Variants in DOK6 observed in about 807,000 individuals in gnomAD.
DOK6 encodes the protein docking protein 6.
DOK6 carries 22 observed loss-of-function variants against 44.0 expected under a neutral mutation model. The observed-to-expected ratio is 0.50, with a 90% CI of 0.36 to 0.71. The LOEUF is 0.71. Among genes scored for constraint, DOK6 ranks in the 30% least tolerant of loss-of-function variants. DOK6 has a pLI of 0.00. For missense variants in DOK6, 340 were observed against 416.4 expected (o/e 0.82, Z 1.60); for synonymous variants, 166 against 145.5 (o/e 1.14, Z -1.01).
chr18:69,634,812 T>G (rs1320354063), intron 3 of DOK6, among the ~76,000 whole-genome samples: 1 of 152,148 alleles, frequency 6.6e-6, no homozygotes, highest in Non-Finnish European at 1.5e-5. Context: ...GGGTAAGAGT[T>G]TTTTTATTAG....
chr18:69,823,625 TTGTGTG>T (rs72248499), intron 7 of DOK6, among the ~76,000 whole-genome samples: 2,905 of 146,822 alleles, frequency 0.02, 68 homozygotes, highest in East Asian at 0.057. Flanking sequence ...GTGTGTGTGT[TTGTGTG>T]TGTGTGTGTG....
intron 1 of DOK6, among the ~76,000 whole-genome samples, chr18:69,488,898 T>C (rs1980659370): frequency 6.6e-6 from 1 of 152,296 alleles, no homozygotes; most frequent in African/African-American, 2.4e-5. Flanking sequence ...CCTGTACTAC[T>C]ACAGCCAGAA....
intron 7 of DOK6, among the ~76,000 whole-genome samples, chr18:69,768,633 G>A (rs1222119725): frequency 1.3e-5 from 2 of 148,694 alleles, no homozygotes; most frequent in Non-Finnish European, 3.0e-5. Flanking sequence ...GCAGAATACG[G>A]CAGAGACTTG....
intron 4 of DOK6, among the ~76,000 whole-genome samples, chr18:69,696,301 C>T (rs1477866977): frequency 6.6e-6 from 1 of 152,090 alleles, no homozygotes; most frequent in Non-Finnish European, 1.5e-5. Context: ...GTTTCATGTA[C>T]CATCCACTGG....
At chr18:69,467,591 T>C (rs1427758525) in intron 1 of DOK6, among the ~76,000 whole-genome samples, 1 of 152,202 alleles carries the variant, frequency 6.6e-6, no homozygotes, top group Non-Finnish European at 1.5e-5. Context: ...ATTTGGCTCA[T>C]AATGTTGCAA....
At chr18:69,645,942 A>T (rs1985061665) in intron 3 of DOK6, among the ~76,000 whole-genome samples, 1 of 152,066 alleles carries the variant, frequency 6.6e-6, no homozygotes, top group African/African-American at 2.4e-5. Context: ...CTTATTTTGT[A>T]TTTTGTGATC....
chr18:69,434,995 G>GGAAA (rs1978921610), intron 1 of DOK6, among the ~76,000 whole-genome samples: 1 of 126,932 alleles, frequency 7.9e-6, no homozygotes, highest in Admixed American at 8.5e-5. Flanking sequence ...AAGGAAGGAA[G>GGAAA]GAAGGAAGAA....
chr18:69,740,696 AG>A (rs1978770771), intron 6 of DOK6, among the ~76,000 whole-genome samples: 1 of 152,226 alleles, frequency 6.6e-6, no homozygotes. Context: ...ATCTGTAACA[AG>A]GGCATGTAAT....
intron 7 of DOK6, among the ~76,000 whole-genome samples, chr18:69,773,335 A>G (rs535190043): frequency 1.2e-4 from 19 of 152,102 alleles, no homozygotes; most frequent in African/African-American, 4.3e-4. Flanking sequence ...AGCTCCACCT[A>G]CGGGTATTTA....
intron 3 of DOK6, among the ~76,000 whole-genome samples, chr18:69,607,693 A>G (rs1021372516): frequency 1.3e-5 from 2 of 152,170 alleles, no homozygotes; most frequent in African/African-American, 4.8e-5. Context: ...TTAAAGTCTA[A>G]AAAATTTTCA....
chr18:69,799,928 T>C (rs996511605), intron 7 of DOK6, among the ~76,000 whole-genome samples: 3 of 152,110 alleles, frequency 2.0e-5, no homozygotes, highest in African/African-American at 4.8e-5. Flanking sequence ...GCAAATAAAA[T>C]TAATTATAAT....
chr18:69,657,971 G>T (rs1195247553), intron 3 of DOK6, among the ~76,000 whole-genome samples: 1 of 151,830 alleles, frequency 6.6e-6, no homozygotes, highest in East Asian at 1.9e-4. Context: ...GTTTGCTTTT[G>T]AGAGGGGTCT....
intron 3 of DOK6, among the ~76,000 whole-genome samples, chr18:69,668,030 C>T (rs530481719): frequency 2.8e-4 from 42 of 152,286 alleles, no homozygotes; most frequent in African/African-American, 9.6e-4. Context: ...TTCTCATAGT[C>T]TTCATCATCT....
intron 1 of DOK6, among the ~76,000 whole-genome samples, chr18:69,526,466 C>T (rs1371728527): frequency 1.3e-5 from 2 of 152,022 alleles, no homozygotes; most frequent in African/African-American, 4.8e-5. Context: ...TATGAATATG[C>T]TACATTTTAA....
chr18:69,462,695 C>T (rs898284461), intron 1 of DOK6, among the ~76,000 whole-genome samples: 1 of 152,212 alleles, frequency 6.6e-6, no homozygotes, highest in Non-Finnish European at 1.5e-5. Flanking sequence ...ACGGTATTAA[C>T]TGATTAATCC....
intron 1 of DOK6, among the ~76,000 whole-genome samples, chr18:69,409,933 G>C (rs996615431): frequency 1.3e-5 from 2 of 152,094 alleles, no homozygotes; most frequent in African/African-American, 4.8e-5. Context: ...AAAGACCGTA[G>C]GGTAGTTCTG....
intron 1 of DOK6, among the ~76,000 whole-genome samples, chr18:69,420,546 G>T (rs535374192): frequency 2.6e-5 from 4 of 152,102 alleles, no homozygotes; most frequent in South Asian, 4.2e-4. Context: ...CAACGTGCAG[G>T]TTTGTTACAT....
intron 3 of DOK6, among the ~76,000 whole-genome samples, chr18:69,648,571 T>G (rs2144660737): frequency 6.6e-6 from 1 of 152,328 alleles, no homozygotes; most frequent in African/African-American, 2.4e-5. Flanking sequence ...GGCTTATTAG[T>G]ATCTCTAGCA....
intron 6 of DOK6, among the ~76,000 whole-genome samples, chr18:69,740,976 G>A (rs1161898207): frequency 6.6e-6 from 1 of 152,172 alleles, no homozygotes; most frequent in Non-Finnish European, 1.5e-5. Flanking sequence ...TGTTTCTCGT[G>A]TCCTGTGCCA....
Sources: allele counts gnomAD v4.1 joint callset (sites outside exome capture counted in the v4.1 genomes callset), GRCh38; gene constraint gnomAD v4.1.1; transcripts MANE v1.5; gene names NCBI Gene and HGNC (gene_info 2026-07-23, HGNC 2026-07-21).